Variants in DSCAM observed in about 807,000 individuals in gnomAD.
DSCAM encodes DS cell adhesion molecule.
In DSCAM, 47 loss-of-function variants were observed where a neutral mutation model predicts 217.7. The observed-to-expected ratio is 0.22, with a 90% CI of 0.17 to 0.28. DSCAM has a LOEUF of 0.28. DSCAM is among the 10% of genes least tolerant of loss of function. The pLI is 1.00. For missense variants in DSCAM, 2,080 were observed against 2,618.3 expected, an observed-to-expected ratio of 0.79 and a Z score of 4.49; for synonymous variants, 1,056 against 1,015.3, an observed-to-expected ratio of 1.04 and a Z score of -0.76.
chr21:40,620,014 G>GAGAGAGAAAGAGAGAGA lies in DSCAM; in HGVS notation c.508+72795_508+72796insTCTCTCTCTTTCTCTCT, dbSNP rs2089461592. Among the ~76,000 whole-genome samples the GAGAGAGAAAGAGAGAGA allele has an allele frequency of 1.2e-4, 9 of 72,586 alleles. 2 individuals are homozygous for GAGAGAGAAAGAGAGAGA. Among genetic ancestry groups the GAGAGAGAAAGAGAGAGA allele is most frequent in the East Asian group, 8.2e-4 (2 of 2,428 alleles). The allele number at this position is 72,586 out of a possible 152,430, so 47.6% of individuals were successfully genotyped here. ...GAGAGAGAGAAAGAGAGAGAAAAAA[G>GAGAGAGAAAGAGAGAGA]AAAAAGAAAGAAAGAGAGAGAGAAA... is the stretch of plus-strand genomic sequence containing the variant. On this transcript the variant is annotated intron_variant, in intron 3 of 32. Coordinates refer to ENST00000400454, the MANE Select transcript of DSCAM (RefSeq NM_001389.5).
At chr21:40,766,692 C>CAT (rs1331315836) in intron 1 of DSCAM, among the ~76,000 whole-genome samples, 1 of 92,606 alleles carries the variant, frequency 1.1e-5, no homozygotes, top group South Asian at 4.7e-4. Flanking sequence ...AAAAAAACAA[C>CAT]TTTTTTTTTT....
At chr21:40,229,921 C>A (rs764229796) in intron 11 of DSCAM, among the ~76,000 whole-genome samples, 10 of 152,202 alleles carry the variant, frequency 6.6e-5, no homozygotes, top group Non-Finnish European at 1.0e-4. Context: ...AAGAAACTGT[C>A]GAGCTGGCTC....
At chr21:40,728,038 A>G (rs1257054588) in intron 1 of DSCAM, among the ~76,000 whole-genome samples, 1 of 152,050 alleles carries the variant, frequency 6.6e-6, no homozygotes, top group Non-Finnish European at 1.5e-5. Flanking sequence ...TCTCCCCCTC[A>G]GGGATGCTTC....
chr21:40,178,848 T>G, intron 15 of DSCAM, 79 bp downstream of exon 15: 1 of 1,576,164 alleles, frequency 6.3e-7, no homozygotes, highest in South Asian at 1.1e-5. Context: ...AAAGGTCTGC[T>G]TCTGCATTTA....
intron 32 of DSCAM, among the ~76,000 whole-genome samples, chr21:40,036,168 A>G (rs1342974283): frequency 1.4e-5 from 2 of 143,970 alleles, no homozygotes; most frequent in Non-Finnish European, 3.0e-5. Flanking sequence ...CTAAAATCAG[A>G]GCAGAACTGA....
At chr21:40,271,088 G>A (rs189595860) in intron 11 of DSCAM, among the ~76,000 whole-genome samples, 89 of 152,314 alleles carry the variant, frequency 5.8e-4, no homozygotes, top group African/African-American at 2.1e-3. Context: ...CCCTGCAGAC[G>A]GTCAGGTCAG....
intron 1 of DSCAM, among the ~76,000 whole-genome samples, chr21:40,776,316 C>T (rs2091487859): frequency 6.6e-6 from 1 of 152,040 alleles, no homozygotes; most frequent in African/African-American, 2.4e-5. Context: ...TCTAGGATTT[C>T]AACATTCAAG....
chr21:40,217,483 G>T (rs892336972), intron 11 of DSCAM, among the ~76,000 whole-genome samples: 1 of 151,954 alleles, frequency 6.6e-6, no homozygotes, highest in Admixed American at 6.6e-5. Context: ...GTGTTATGGG[G>T]GTTTGTTGTA....
At chr21:40,808,126 A>G (rs554634424) in intron 1 of DSCAM, among the ~76,000 whole-genome samples, 5 of 152,128 alleles carry the variant, frequency 3.3e-5, no homozygotes, top group Non-Finnish European at 2.9e-5. Context: ...CTGGAGCCCA[A>G]CTCAATTTGG....
intron 3 of DSCAM, among the ~76,000 whole-genome samples, chr21:40,487,626 G>T (rs1468025180): frequency 6.6e-6 from 1 of 152,140 alleles, no homozygotes; most frequent in Non-Finnish European, 1.5e-5. Flanking sequence ...ACTGCAGGGT[G>T]GGGAATCCAT....
chr21:40,676,980 C>T (rs1484464998), intron 3 of DSCAM, among the ~76,000 whole-genome samples: 2 of 151,986 alleles, frequency 1.3e-5, no homozygotes, highest in South Asian at 2.1e-4. Context: ...ATTTCAAGTT[C>T]ATTTGGCTTT....
chr21:40,298,084 C>CTT (rs59908038), intron 9 of DSCAM, among the ~76,000 whole-genome samples: 3 of 132,670 alleles, frequency 2.3e-5, no homozygotes, highest in African/African-American at 5.9e-5. Flanking sequence ...TTAGCTTTTA[C>CTT]TTTTTTTTTT....
intron 18 of DSCAM, among the ~76,000 whole-genome samples, chr21:40,140,934 C>G (rs1407454085): frequency 4.7e-5 from 7 of 149,342 alleles, no homozygotes; most frequent in African/African-American, 1.5e-4. Flanking sequence ...CCAAGGAGGG[C>G]GGGGGGGGGT....
chr21:40,217,359 T>TA (rs2091252912), intron 11 of DSCAM, among the ~76,000 whole-genome samples: 2 of 152,208 alleles, frequency 1.3e-5, no homozygotes, highest in Non-Finnish European at 2.9e-5. Flanking sequence ...TTTCTGAGCC[T>TA]TGTCAACATA....
intron 3 of DSCAM, among the ~76,000 whole-genome samples, chr21:40,566,350 T>C (rs2076764227): frequency 6.6e-6 from 1 of 152,174 alleles, no homozygotes; most frequent in Admixed American, 6.5e-5. Context: ...TCATAAAATC[T>C]TACTAACATA....
At chr21:40,219,675 C>G (rs570071187) in intron 11 of DSCAM, among the ~76,000 whole-genome samples, 11 of 152,142 alleles carry the variant, frequency 7.2e-5, no homozygotes, top group African/African-American at 2.4e-4. Flanking sequence ...ATTTTCCTGC[C>G]AAATGATATA....
chr21:40,264,064 A>T (rs1027445275), intron 11 of DSCAM, among the ~76,000 whole-genome samples: 2 of 152,076 alleles, frequency 1.3e-5, no homozygotes, highest in African/African-American at 4.8e-5. Flanking sequence ...AATAAAAAAA[A>T]AATGCCAACA....
chr21:40,619,749 G>A (rs2089453894), intron 3 of DSCAM, among the ~76,000 whole-genome samples: 1 of 151,572 alleles, frequency 6.6e-6, no homozygotes, highest in Non-Finnish European at 1.5e-5. Flanking sequence ...CATATTTTTG[G>A]AAAGATAGAA....
intron 10 of DSCAM, among the ~76,000 whole-genome samples, chr21:40,294,878 ATGTGGTG>A (rs554474834): frequency 1.3e-3 from 201 of 152,284 alleles, no homozygotes; most frequent in African/African-American, 4.3e-3. Flanking sequence ...TGGACAGTGG[ATGTGGTG>A]TGTGGTGTGT....
Sources: gnomAD v4.1 joint callset for allele counts (sites outside exome capture counted in the v4.1 genomes callset) on GRCh38, gnomAD v4.1.1 for gene constraint, MANE v1.5 for transcripts, NCBI Gene and HGNC (gene_info 2026-07-23, HGNC 2026-07-21) for gene names.